Variants in PCDH15 observed in about 807,000 individuals in gnomAD.
PCDH15 encodes protocadherin related 15.
PCDH15 carries 129 observed loss-of-function variants against 178.5 expected under a neutral mutation model. The ratio of observed to expected loss-of-function variants is 0.72; its 90% CI spans 0.63 to 0.84. PCDH15 has a LOEUF of 0.84. PCDH15 is among the 40% of genes least tolerant of loss of function. The pLI is 0.00. For missense variants in PCDH15, 2,230 were observed against 2,099.9 expected (o/e 1.06, Z -1.21); for synonymous variants, 800 against 732.0 (o/e 1.09, Z -1.50).
intron 1 of PCDH15, among the ~76,000 whole-genome samples, chr10:54,789,106 G>A (rs949055191): frequency 5.3e-5 from 8 of 151,510 alleles, no homozygotes; most frequent in Non-Finnish European, 8.8e-5. Context: ...ATAGTGAATG[G>A]CTCCCAAAAC....
intron 18 of PCDH15, among the ~76,000 whole-genome samples, chr10:54,029,681 T>C (rs1335903398): frequency 6.6e-6 from 1 of 152,202 alleles, no homozygotes; most frequent in Non-Finnish European, 1.5e-5. Context: ...GTTTTTTGTA[T>C]AATTTTTGAG....
At chr10:55,326,526 A>G (rs1349764335) in intron 2 of PCDH15, among the ~76,000 whole-genome samples, 1 of 152,116 alleles carries the variant, frequency 6.6e-6, no homozygotes, top group Non-Finnish European at 1.5e-5. Context: ...AAACATGCAC[A>G]TGTATACATG....
intron 3 of PCDH15, among the ~76,000 whole-genome samples, chr10:54,843,351 C>T (rs1171703022): frequency 6.6e-6 from 1 of 151,918 alleles, no homozygotes; most frequent in Non-Finnish European, 1.5e-5. Context: ...TCTAATGCCG[C>T]CAGACTTCTG....
At chr10:55,517,349 G>C (rs77461929) in intron 2 of PCDH15, among the ~76,000 whole-genome samples, 2 of 151,974 alleles carry the variant, frequency 1.3e-5, no homozygotes, top group African/African-American at 4.8e-5. Flanking sequence ...CAGTATTTTA[G>C]GATCAAAAGG....
chr10:54,470,419 G>A (rs535695961), intron 3 of PCDH15, among the ~76,000 whole-genome samples: 10 of 152,202 alleles, frequency 6.6e-5, no homozygotes, highest in South Asian at 6.2e-4. Context: ...GGTCAGTGGC[G>A]TTCTAGGAAT....
chr10:54,482,405 C>A (rs1226919652), intron 3 of PCDH15, among the ~76,000 whole-genome samples: 33 of 151,322 alleles, frequency 2.2e-4, no homozygotes, highest in Non-Finnish European at 3.0e-5. Flanking sequence ...GATTGATATC[C>A]CAATTAAATT....
At chr10:54,250,614 T>C (rs949103059) in intron 8 of PCDH15, among the ~76,000 whole-genome samples, 2 of 152,204 alleles carry the variant, frequency 1.3e-5, no homozygotes, top group African/African-American at 4.8e-5. Context: ...TTTTCTCTAG[T>C]AGAAGAGAGC....
chr10:55,534,324 T>A (rs1308325361), intron 2 of PCDH15, among the ~76,000 whole-genome samples: 15 of 152,020 alleles, frequency 9.9e-5, no homozygotes, highest in Admixed American at 9.9e-4. Flanking sequence ...GCTAGGCACC[T>A]GACAAAGTCC....
chr10:54,485,615 T>C (rs1049693218), intron 3 of PCDH15, among the ~76,000 whole-genome samples: 1 of 151,978 alleles, frequency 6.6e-6, no homozygotes, highest in Non-Finnish European at 1.5e-5. Flanking sequence ...AGACTTCAAC[T>C]GTGATATATT....
intron 2 of PCDH15, among the ~76,000 whole-genome samples, chr10:55,412,459 G>A (rs902223913): frequency 6.6e-6 from 1 of 152,076 alleles, no homozygotes; most frequent in East Asian, 1.9e-4. Flanking sequence ...AGAGTGGGGA[G>A]TGTGGCTAGG....
intron 2 of PCDH15, among the ~76,000 whole-genome samples, chr10:55,526,392 T>G: frequency 6.6e-6 from 1 of 152,062 alleles, no homozygotes; most frequent in East Asian, 1.9e-4. Context: ...CTTAACATTT[T>G]TAGCCAAATA....
At chr10:55,558,482 A>C (rs1462312062) in intron 2 of PCDH15, among the ~76,000 whole-genome samples, 1 of 152,132 alleles carries the variant, frequency 6.6e-6, no homozygotes, top group Admixed American at 6.6e-5. Context: ...TAACTCAAAG[A>C]ACTCATTTTA....
chr10:54,410,968 TG>T (rs578223194), intron 3 of PCDH15, among the ~76,000 whole-genome samples: 191 of 152,288 alleles, frequency 1.3e-3, no homozygotes, highest in Non-Finnish European at 1.9e-3. Context: ...GGAATAATAC[TG>T]CTCTACAATA....
At chr10:54,329,777 T>C in intron 6 of PCDH15, 71 bp from the exon 7 acceptor site, 1 of 1,029,342 alleles carries the variant, frequency 9.7e-7, no homozygotes, top group South Asian at 1.3e-5. Context: ...ATATTTTGGA[T>C]TAATCCTCTT....
chr10:54,881,296 T>C (rs994506709), intron 3 of PCDH15, among the ~76,000 whole-genome samples: 1 of 152,070 alleles, frequency 6.6e-6, no homozygotes, highest in African/African-American at 2.4e-5. Flanking sequence ...TCTGAAAGAA[T>C]GAATGTAAGG....
At chr10:55,621,531 C>T (rs1194034677) in intron 2 of PCDH15, among the ~76,000 whole-genome samples, 1 of 152,184 alleles carries the variant, frequency 6.6e-6, no homozygotes, top group African/African-American at 2.4e-5. Flanking sequence ...GCTCCACCTC[C>T]TGTCAGAACT....
intron 15 of PCDH15, among the ~76,000 whole-genome samples, chr10:54,099,513 A>AAAAAAAAATATATAT (rs1347306483): frequency 5.1e-5 from 6 of 117,900 alleles, no homozygotes; most frequent in South Asian, 5.8e-4. Flanking sequence ...AAAAAAAAAA[A>AAAAAAAAATATATAT]ATATATATAT....
intron 2 of PCDH15, among the ~76,000 whole-genome samples, chr10:55,557,590 C>G (rs1001178946): frequency 2.0e-5 from 3 of 152,048 alleles, no homozygotes; most frequent in African/African-American, 7.2e-5. Context: ...TGCCTCATCT[C>G]AGGCTTTCAT....
At chr10:54,155,940 T>A (rs2045093559) in intron 13 of PCDH15, among the ~76,000 whole-genome samples, 1 of 152,190 alleles carries the variant, frequency 6.6e-6, no homozygotes, top group South Asian at 2.1e-4. Flanking sequence ...TATAGTTCAA[T>A]GACTCTGTGA....
Sources: allele counts gnomAD v4.1 joint callset (sites outside exome capture counted in the v4.1 genomes callset), GRCh38; gene constraint gnomAD v4.1.1; transcripts MANE v1.5; gene names NCBI Gene and HGNC (gene_info 2026-07-23, HGNC 2026-07-21).